ZMYM3: variants seen among roughly 807,000 people sequenced by gnomAD.
ZMYM3 encodes zinc finger MYM-type containing 3.
ZMYM3 carries 6 observed loss-of-function variants against 94.2 expected under a neutral mutation model. The observed-to-expected ratio is 0.06, with a 90% CI of 0.03 to 0.13. The LOEUF is 0.13. Ranked by LOEUF, ZMYM3 falls within the 10% of genes least tolerant of loss-of-function variation. The pLI is 1.00. For missense variants in ZMYM3, 664 were observed against 1,132.6 expected, an observed-to-expected ratio of 0.59 and a Z score of 5.94; for synonymous variants, 420 against 426.5, an observed-to-expected ratio of 0.98 and a Z score of 0.19.
chrX:71,253,406 A>G (rs1278328911), intron 1 of ZMYM3, 132 bp from the exon 2 acceptor site: 1 of 503,710 alleles, frequency 2.0e-6, no homozygotes, highest in African/African-American at 2.5e-5. Context: ...ACAATCTACA[A>G]GCATTTCCGA....
chrX:71,254,601 T>G (rs973778346), upstream of ZMYM3: 1 of 102,003 alleles, frequency 9.8e-6, no homozygotes, highest in Non-Finnish European at 2.0e-5. Context: ...CCCGTGTCTC[T>G]CTTAGCTTCC....
At chrX:71,246,814 G>T in intron 13 of ZMYM3, 122 bp from the exon 14 acceptor site, 2 of 665,521 alleles carry the variant, frequency 3.0e-6, no homozygotes, top group Non-Finnish European at 4.4e-6. Flanking sequence ...TCTAGGATTT[G>T]ACCCCCTTGC....
chrX:71,246,841 T>C (rs1390429187), intron 13 of ZMYM3, 149 bp from the exon 14 acceptor site: 13 of 489,960 alleles, frequency 2.7e-5, no homozygotes, highest in Non-Finnish European at 4.3e-5. Flanking sequence ...AGATCTAGTC[T>C]CCTCTATGCC....
rs989701415 is a variant in ZMYM3, at chrX:71,246,075, C to T, written c.2596G>A (p.Val866Met). 1.2e-5 allele frequency: 14 copies of T among 1,209,049 alleles called. No homozygotes were observed. The highest frequency in any genetic ancestry group is 3.5e-5 in the African/African-American group (2 of 57,067). The change falls in exon 16 of 25, where the codon GTG (valine) becomes ATG (methionine). Residue 866 changes from valine (V) to methionine (M), a missense_variant. By Grantham distance (21) the Val-to-Met change is conservative. Coordinates refer to ENST00000314425, the MANE Select transcript of ZMYM3 (RefSeq NM_201599.3). ...AAGATGGGCACTGGGATGGGCAGCA[C>T]GATCACCTGTGGCTTCCACTCTTCT... ...QTEEWKPQVIVLPIPVPIFVP... is the reference protein window; with the variant it reads ...QTEEWKPQVIMLPIPVPIFVP...
chrX:71,242,054 A>C, intron 23 of ZMYM3, 116 bp downstream of exon 23: 1 of 963,937 alleles, frequency 1.0e-6, no homozygotes. Context: ...GGAACAGGAG[A>C]GGGAAGCTAG....
At position 71,252,687 on chromosome X, in the gene ZMYM3, G is replaced by A. The variant is rs773502587; in HGVS notation, c.569C>T (p.Pro190Leu). 1.3e-5 allele frequency: 16 copies of A among 1,192,715 alleles called. No homozygotes were observed. Among genetic ancestry groups the A allele is most frequent in the Middle Eastern group, 2.4e-4 (1 of 4,252 alleles). Reference protein sequence around the residue: ...PQGQPQSPNAPPSPSVGETLG... With the variant: ...PQGQPQSPNALPSPSVGETLG... Reference sequence around the variant, plus strand: ...AGTCTCTCCCACTGAAGGGCTAGGCGGGGCATTTGGGCTCTGTGGCTGCCC... The same window carrying A: ...AGTCTCTCCCACTGAAGGGCTAGGCAGGGCATTTGGGCTCTGTGGCTGCCC... The change falls in exon 2 of 25, where the codon CCG becomes CTG. Residue 190 changes from proline (P) to leucine (L), a missense_variant. Physicochemically the swap from Pro to Leu is moderately conservative, Grantham distance 98. Around this residue, in one of 9 missense-constraint regions of ZMYM3, gnomAD observed 196 missense variants for 190.8 expected, o/e 1.03. Transcript: ENST00000314425.
chrX:71,245,927 G>C (rs2030150071), intron 16 of ZMYM3, 59 bp downstream of exon 16: 1 of 1,184,403 alleles, frequency 8.4e-7, no homozygotes, highest in African/African-American at 1.8e-5. Flanking sequence ...AGTGAAGGGG[G>C]ACAGTTGATG....
Position 71,246,661 on chromosome X carries a change from G to A in ZMYM3, c.2346C>T (p.Pro782=). Residue 782 remains proline, a synonymous_variant, in exon 14 of 25, where the codon CCC becomes CCT. Transcript: ENST00000314425. The part of the protein sequence containing the change: ...SQSPESKPQT[P]SQTKVENSNT... ...TGCTGTTCTCCACTTTGGTTTGAGA[G>A]GGTGTCTGGGGTTTTGACTCAGGAG... 4 of 1,211,405 alleles carry A rather than the reference G, an allele frequency of 3.3e-6. No individual in the cohort carries two copies. The highest frequency in any genetic ancestry group is 4.5e-6 in the Non-Finnish European group (4 of 895,374).
At chrX:71,247,676 C>T (rs2030243991) in intron 12 of ZMYM3, 58 bp downstream of exon 12, 4 of 1,174,976 alleles carry the variant, frequency 3.4e-6, no homozygotes, top group South Asian at 3.9e-5. Flanking sequence ...CTCAGTACCA[C>T]AGCCCGTGCT....
At position 71,250,051 on chromosome X, in the gene ZMYM3, C is replaced by A; in HGVS notation, c.1226G>T (p.Cys409Phe). 1 of 1,187,952 alleles carries A rather than the reference C, an allele frequency of 8.4e-7. No homozygotes were observed. Residue 409 changes from cysteine to phenylalanine, a missense_variant, in exon 6 of 25, where the codon TGC becomes TTC. Physicochemically the swap from Cys to Phe is radical, Grantham distance 205. Coordinates refer to ENST00000314425, the MANE Select transcript of ZMYM3 (RefSeq NM_201599.3). ...QSGDPADATR[C>F]SICQKTGEVL... is the part of the protein sequence containing the mutation. ...CTCTCCAGTCTTCTGGCATATGCTG[C>A]AGCGAGTAGCGTCGGCGGGATCCCC...
chrX:71,251,538 T>A lies in ZMYM3; in HGVS notation c.711+20A>T. On this transcript the variant is annotated intron_variant, in intron 3 of 24. Transcript: ENST00000314425. ...AGAGCTAAGGGGGAACCAGACTCCTTCCAATCCCCTCCCCCTCACCCGTTC... is the reference window on the plus strand; with the variant it reads ...AGAGCTAAGGGGGAACCAGACTCCTACCAATCCCCTCCCCCTCACCCGTTC... 6.8e-6 allele frequency: 8 copies of A among 1,182,026 alleles called. No homozygotes were observed. Among genetic ancestry groups the A allele is most frequent in the Non-Finnish European group, 9.1e-6 (8 of 880,676 alleles).
chrX:71,244,036 T>G, intron 20 of ZMYM3, 56 bp from the exon 21 acceptor site: 2 of 1,170,811 alleles, frequency 1.7e-6, no homozygotes, highest in Admixed American at 4.6e-5. Flanking sequence ...ATGGAGAATT[T>G]CACTTAGCTC....
chrX:71,248,338 G>A (rs762909320), intron 10 of ZMYM3, 26 bp from the exon 11 acceptor site: 18 of 1,192,187 alleles, frequency 1.5e-5, no homozygotes, highest in Non-Finnish European at 7.9e-6. Flanking sequence ...AGGGCAGGGA[G>A]GACAAGCTGT....
rs1390358429 is a variant in ZMYM3, at chrX:71,244,978, C to CT, written c.3008-86dup. The stretch of plus-strand genomic sequence containing the variant: ...CTGCCCCACCCCTGCTACTTGCCCA[C>CT]TTGACACTAGATGAGCCAAAGGAAC... On this transcript the variant is annotated intron_variant, in intron 18 of 24. Transcript: ENST00000314425. 126 of 809,628 alleles carry CT rather than the reference C, an allele frequency of 1.6e-4. No homozygotes were observed. In the African/African-American group the frequency reaches 2.3e-3, roughly 15 times the overall value. 66.7% of individuals were successfully genotyped at this position (809,628 alleles called of 1,213,427 possible). A position where few individuals can be genotyped will look rare whatever the true frequency, so the allele number is the denominator to read the frequency against.
chrX:71,240,185 C>T lies in ZMYM3; in HGVS notation c.*731G>A, dbSNP rs1233595061. 3.6e-5 allele frequency: 4 copies of T among 111,804 alleles called. No homozygotes were observed. Among genetic ancestry groups the T allele is most frequent in the Non-Finnish European group, 5.7e-5 (3 of 53,090 alleles). The allele number at this position is 111,804 out of a possible 1,213,427, so 9.2% of individuals were successfully genotyped here. On this transcript the variant is annotated 3_prime_UTR_variant, in exon 25 of 25. Coordinates refer to ENST00000314425, the MANE Select transcript of ZMYM3 (RefSeq NM_201599.3). ...GATGGCAGAGAGACAAACACAGAAA[C>T]CAAGGGGACAGGAGTCTGCACAACA...
rs757395873 is a variant in ZMYM3 at position 71,253,277 on chromosome X, G to A, written c.-19-3C>T. The A allele has an allele frequency of 1.8e-6, 2 of 1,133,444 alleles. No individual in the cohort carries two copies. The highest frequency in any genetic ancestry group is 5.9e-5 in the Admixed American group (2 of 34,150). The allele number at this position is 1,133,444 out of a possible 1,213,427, so 93.4% of individuals were successfully genotyped here. A position where few individuals can be genotyped will look rare whatever the true frequency, so the allele number is the denominator to read the frequency against. On this transcript the variant is annotated splice_polypyrimidine_tract_variant and splice_region_variant and intron_variant, in intron 1 of 24. Transcript: ENST00000314425. ...CCATGAGTATGGCTGGATATGTACT[G>A]CAGATTAGGAGTAGAAGAGGGGGCA...
intron 4 of ZMYM3, 95 bp from the exon 5 acceptor site, chrX:71,250,821 G>A: frequency 2.2e-6 from 2 of 898,049 alleles, no homozygotes; most frequent in Non-Finnish European, 3.1e-6. Context: ...TGGGATCCCT[G>A]TTGTTCCGGC....
At position 71,248,226 on chromosome X, in the gene ZMYM3, C is replaced by T. The variant is rs1423003210; in HGVS notation, c.1911G>A (p.Arg637=). The change falls in exon 11 of 25, where the codon CGG becomes CGA. Residue 637 remains arginine, a synonymous_variant. Transcript: ENST00000314425. ...RGVVSQCEHC[R]QEKLLHEKLR... ...GTTTCTCATGCAAGAGTTTCTCCTG[C>T]CGACAGTGCTCACACTGGGACACCA... 8.3e-7 allele frequency: 1 copy of T among 1,210,254 alleles called. No individual in the cohort carries two copies. Among genetic ancestry groups the T allele is most frequent in the Non-Finnish European group, 1.1e-6 (1 of 894,684 alleles).
chrX:71,245,293 C>T (rs776392393), intron 18 of ZMYM3, 46 bp downstream of exon 18: 1 of 1,196,703 alleles, frequency 8.4e-7, no homozygotes, highest in Non-Finnish European at 1.1e-6. Flanking sequence ...TTCCTGATGG[C>T]ACAAATGCTA....
Sources: gnomAD v4.1 joint callset for allele counts on GRCh38, gnomAD v4.1.1 for gene constraint, gnomAD v4.1.1 regional missense constraint, MANE v1.5 for transcripts, NCBI Gene and HGNC (gene_info 2026-07-23, HGNC 2026-07-21) for gene names.